Variants in SHISA5 observed in about 807,000 individuals in gnomAD.
The protein encoded by SHISA5 is shisa family member 5.
A neutral mutation model predicts 27.5 loss-of-function variants in SHISA5; 21 were observed. The ratio of observed to expected loss-of-function variants is 0.76; its 90% CI spans 0.54 to 1.10. SHISA5 has a LOEUF of 1.10. Among genes scored for constraint, SHISA5 ranks in the 50% least tolerant of loss-of-function variants. SHISA5 has a pLI of 0.00. For synonymous variants in SHISA5, 137 were observed against 142.2 expected, an observed-to-expected ratio of 0.96 and a Z score of 0.26; for missense variants, 314 against 336.3, an observed-to-expected ratio of 0.93 and a Z score of 0.52.
At chr3:48,501,864 T>C (rs1271768072) in intron 1 of SHISA5, among the ~76,000 whole-genome samples, 24 of 148,500 alleles carry the variant, frequency 1.6e-4, no homozygotes, top group Non-Finnish European at 2.7e-4. Context: ...TTCTTTCTTT[T>C]TTTTTTTTTT....
intron 2 of SHISA5, among the ~76,000 whole-genome samples, chr3:48,482,380 G>A (rs764016381): frequency 1.3e-5 from 2 of 151,938 alleles, no homozygotes; most frequent in Non-Finnish European, 2.9e-5. Context: ...ACTCCAGCCT[G>A]GGCGACAGAC....
At chr3:48,493,783 T>C (rs2041488190) in intron 2 of SHISA5, among the ~76,000 whole-genome samples, 1 of 146,994 alleles carries the variant, frequency 6.8e-6, no homozygotes, top group Non-Finnish European at 1.5e-5. Context: ...TCCACCCGCC[T>C]CAGCCTCCCA....
intron 2 of SHISA5, among the ~76,000 whole-genome samples, chr3:48,483,091 A>ATTT (rs71074250): frequency 1.1e-3 from 159 of 142,972 alleles, no homozygotes; most frequent in African/African-American, 3.7e-3. Context: ...CACCTAGCTA[A>ATTT]TTTTTTTTTT....
rs538316857 is a variant in SHISA5 at position 48,479,104 on chromosome 3, T to C, written c.314+73A>G. On this transcript the variant is annotated intron_variant, in intron 3 of 5. Transcript: ENST00000296444. ...GACCGAATCATCCCAGTCCCCCAGA[T>C]GCACACTGGCCCCCCTGAGCCCTCT... 46 of 1,372,060 alleles carry C rather than the reference T, an allele frequency of 3.4e-5. 1 individual carries two copies. The African/African-American group carries it at 6.2e-4, about 18-fold the overall frequency. 85.0% of individuals were successfully genotyped at this position (1,372,060 alleles called of 1,614,324 possible). A position where few individuals can be genotyped will look rare whatever the true frequency, so the allele number is the denominator to read the frequency against.
chr3:48,496,504 A>C (rs1320695071), intron 2 of SHISA5, among the ~76,000 whole-genome samples: 2 of 151,430 alleles, frequency 1.3e-5, no homozygotes, highest in Admixed American at 1.3e-4. Flanking sequence ...GCTGAGGCGG[A>C]TGGATCACCT....
At position 48,492,662 on chromosome 3, in the gene SHISA5, CAA is replaced by C. The variant is rs1243546562; in HGVS notation, c.233+8473_233+8474del. ...CTGAGAAGCTGAAGAAAGAGGCTGACAAATCCAGTTTCTCAGAAACATTTAAT... is the reference window on the plus strand; with the variant it reads ...CTGAGAAGCTGAAGAAAGAGGCTGACATCCAGTTTCTCAGAAACATTTAAT... On this transcript the variant is annotated intron_variant, in intron 2 of 5. Coordinates refer to ENST00000296444, the MANE Select transcript of SHISA5 (RefSeq NM_016479.6). Among the ~76,000 whole-genome samples the C allele has an allele frequency of 4.1e-4, 60 of 147,922 alleles. 10 individuals carry two copies. Among genetic ancestry groups the C allele is most frequent in the African/African-American group, 1.5e-3 (57 of 37,630 alleles).
chr3:48,472,526 A>C (rs772955463), intron 3 of SHISA5, among the ~76,000 whole-genome samples: 5 of 152,140 alleles, frequency 3.3e-5, no homozygotes, highest in Admixed American at 1.3e-4. Context: ...AGTTTTTTTT[A>C]AAAGGTGTCA....
At chr3:48,489,076 T>C (rs1384061384) in intron 2 of SHISA5, among the ~76,000 whole-genome samples, 1 of 151,988 alleles carries the variant, frequency 6.6e-6, no homozygotes, top group South Asian at 2.1e-4. Flanking sequence ...TCTAAGATCC[T>C]ACAGGACTGG....
intron 2 of SHISA5, among the ~76,000 whole-genome samples, chr3:48,486,920 CAA>C (rs747460201): frequency 1.3e-4 from 12 of 94,708 alleles, no homozygotes; most frequent in Non-Finnish European, 1.8e-4. Context: ...GACTCCATCT[CAA>C]AAAAAAAAAA....
In SHISA5 at chr3:48,470,100, G is replaced by C. The variant is rs1289815307; in HGVS notation, c.315-257C>G. On this transcript the variant is annotated intron_variant, in intron 3 of 5. Transcript: ENST00000296444. This position sits in a 1 kb window ranked among gnomAD's most constrained non-coding sequence, Gnocchi z 4.3. ...AGAGGCATGGGAGGAAGCTCTTCAA[G>C]TCCCATGCCACACACATACATCTAT... is the stretch of plus-strand genomic sequence containing the variant. Among the ~76,000 whole-genome samples, 1 of 152,156 alleles carries C rather than the reference G, an allele frequency of 6.6e-6. No individual in the cohort carries two copies. Among genetic ancestry groups the C allele is most frequent in the African/African-American group, 2.4e-5 (1 of 41,422 alleles).
intron 3 of SHISA5, among the ~76,000 whole-genome samples, chr3:48,471,748 G>T (rs2040632686): frequency 6.6e-6 from 1 of 151,292 alleles, no homozygotes; most frequent in African/African-American, 2.4e-5. Context: ...CATGATGGTG[G>T]GTGCTTGCAA....
intron 2 of SHISA5, among the ~76,000 whole-genome samples, chr3:48,497,371 C>T (rs1223247686): frequency 6.9e-6 from 1 of 144,084 alleles, no homozygotes; most frequent in Non-Finnish European, 1.5e-5. Context: ...TCAAGCAATT[C>T]TCTGCCTCAG....
intron 2 of SHISA5, among the ~76,000 whole-genome samples, chr3:48,488,698 T>C (rs1560130248): frequency 6.6e-6 from 1 of 151,300 alleles, no homozygotes; most frequent in Non-Finnish European, 1.5e-5. Flanking sequence ...CCGTGCGTGG[T>C]GGCACATGCC....
intron 1 of SHISA5, among the ~76,000 whole-genome samples, chr3:48,501,703 T>C (rs2041759094): frequency 6.6e-6 from 1 of 152,016 alleles, no homozygotes; most frequent in Non-Finnish European, 1.5e-5. Flanking sequence ...CTGTCCACAC[T>C]CCGCTCACAT....
At chr3:48,487,629 T>G (rs1165049417) in intron 2 of SHISA5, among the ~76,000 whole-genome samples, 1 of 152,208 alleles carries the variant, frequency 6.6e-6, no homozygotes, top group Non-Finnish European at 1.5e-5. Flanking sequence ...GCGCAGTGGC[T>G]CACATCTGTA....
In SHISA5 at chr3:48,470,956, C is replaced by T. The variant is rs191741983; in HGVS notation, c.315-1113G>A. ...ATGAAAGAAAAAAAAAAAAACCTGA[C>T]TTCCAAATGCAGACAGAGCCCCTTA... On this transcript the variant is annotated intron_variant, in intron 3 of 5. Coordinates refer to ENST00000296444, the MANE Select transcript of SHISA5 (RefSeq NM_016479.6). This position sits in a 1 kb window ranked among gnomAD's most constrained non-coding sequence, Gnocchi z 4.3. 1.6e-3 allele frequency among the ~76,000 whole-genome samples: 244 copies of T among 151,912 alleles called. 2 individuals are homozygous for T. Among genetic ancestry groups the T allele is most frequent in the African/African-American group, 5.2e-3 (217 of 41,428 alleles).
Position 48,473,357 on chromosome 3 carries a change from G to C in SHISA5, c.315-3514C>G. The C allele has an allele frequency of 2.9e-6, 4 of 1,361,730 alleles. No individual in the cohort carries two copies. Among genetic ancestry groups the C allele is most frequent in the Non-Finnish European group, 3.9e-6 (4 of 1,036,516 alleles). 84.4% of individuals were successfully genotyped at this position (1,361,730 alleles called of 1,614,324 possible). ...GCAGCCTGGCCACTAGGGGGTCTAA[G>C]AGCCACCCCAGCCTCAGTGGGCCCC... is the stretch of plus-strand genomic sequence containing the variant. On this transcript the variant is annotated intron_variant, in intron 3 of 5. Transcript: ENST00000296444. The surrounding 1 kb of genome is among the most constrained non-coding windows in gnomAD (Gnocchi z 4.3).
intron 2 of SHISA5, 82 bp from the exon 3 acceptor site, chr3:48,479,339 C>G: frequency 7.4e-7 from 1 of 1,350,748 alleles, no homozygotes; most frequent in Non-Finnish European, 1.0e-6. Flanking sequence ...CACCACAAAA[C>G]GTGCACAGAA....
rs768291970 is a variant in SHISA5, at chr3:48,504,064, G to A, written c.31C>T (p.Leu11=). The A allele has an allele frequency of 2.1e-6, 3 of 1,430,600 alleles. No homozygotes were observed. The South Asian group carries it at 4.2e-5, about 20-fold the overall frequency. The allele number at this position is 1,430,600 out of a possible 1,614,324, so 88.6% of individuals were successfully genotyped here. A position where few individuals can be genotyped will look rare whatever the true frequency, so the allele number is the denominator to read the frequency against. The change falls in exon 1 of 6, where the codon CTG becomes TTG. Residue 11 remains leucine, a synonymous_variant. Transcript: ENST00000296444. The surrounding 1 kb of genome is among the most constrained non-coding windows in gnomAD (Gnocchi z 4.0). MTAPVPAPRI[L]LPLLLLLLLT... ...AGCAGCAGCAACAGCAACGGCAACA[G>A]GATCCGCGGCGCGGGGACCGGCGCA...
Sources: gnomAD v4.1 joint callset for allele counts (sites outside exome capture counted in the v4.1 genomes callset) on GRCh38, gnomAD v4.1.1 for gene constraint, Gnocchi (gnomAD v3.1) non-coding constraint, MANE v1.5 for transcripts, NCBI Gene and HGNC (gene_info 2026-07-23, HGNC 2026-07-21) for gene names.